NCAM2: variants seen among roughly 807,000 people sequenced by gnomAD.
NCAM2 encodes the protein N-CAM-2.
A neutral mutation model predicts 98.1 loss-of-function variants in NCAM2; 30 were observed. The observed-to-expected ratio is 0.31, with a 90% confidence interval of 0.23 to 0.41. The LOEUF (loss-of-function observed/expected upper bound fraction) is 0.41. Ranked by LOEUF, NCAM2 falls within the 10% of genes least tolerant of loss-of-function variation. The pLI, the probability that NCAM2 is intolerant of heterozygous loss-of-function variation, is 1.00. For synonymous variants in NCAM2, 368 were observed against 342.4 expected (o/e 1.07, Z -0.83); for missense variants, 867 against 1,005.8 (o/e 0.86, Z 1.87).
intron 1 of NCAM2, among the ~76,000 whole-genome samples, chr21:21,055,840 A>C (rs1230640385): frequency 6.6e-6 from 1 of 152,114 alleles, no homozygotes. Flanking sequence ...GTGTGAAGTG[A>C]AAGAGGAAAC....
At chr21:21,362,116 C>CT (rs571714563) in intron 8 of NCAM2, among the ~76,000 whole-genome samples, 166 of 146,722 alleles carry the variant, frequency 1.1e-3, no homozygotes, top group South Asian at 5.9e-3. Context: ...ATTTCAGTAA[C>CT]TTTTTTTTTT....
chr21:21,272,453 C>T (rs2072535583), intron 1 of NCAM2, among the ~76,000 whole-genome samples: 1 of 151,970 alleles, frequency 6.6e-6, no homozygotes, highest in East Asian at 1.9e-4. Context: ...AATTTAAAAA[C>T]TACACACATA....
chr21:21,386,333 A>G (rs1172528342), intron 9 of NCAM2, among the ~76,000 whole-genome samples: 1 of 152,178 alleles, frequency 6.6e-6, no homozygotes, highest in East Asian at 1.9e-4. Context: ...CACATTTTAT[A>G]TCTGTGATTA....
At chr21:21,185,918 C>A (rs2146938136) in intron 1 of NCAM2, among the ~76,000 whole-genome samples, 1 of 152,192 alleles carries the variant, frequency 6.6e-6, no homozygotes, top group Admixed American at 6.5e-5. Flanking sequence ...GCAGCCCGAA[C>A]TAACATTTTA....
rs527968114 is a variant in NCAM2 at position 21,006,492 on chromosome 21, G to A, written c.55+7874G>A. Among the ~76,000 whole-genome samples, 17 of 152,262 alleles carry A rather than the reference G, an allele frequency of 1.1e-4. No homozygotes were observed. The South Asian group carries it at 3.1e-3, about 28-fold the overall frequency. On this transcript the variant is annotated intron_variant, in intron 1 of 17. Transcript: ENST00000400546. ...TCACTGCACTCCAGCCTGGGTGACA[G>A]AGTGAGACCCCATCTCAAAAAAGAA...
At chr21:21,220,397 C>T (rs896564439) in intron 1 of NCAM2, among the ~76,000 whole-genome samples, 4 of 151,934 alleles carry the variant, frequency 2.6e-5, no homozygotes, top group African/African-American at 4.8e-5. Context: ...TGTAGTATTC[C>T]GTACAATAAT....
intron 8 of NCAM2, among the ~76,000 whole-genome samples, chr21:21,343,134 A>T (rs2075091066): frequency 6.6e-6 from 1 of 152,170 alleles, no homozygotes; most frequent in Admixed American, 6.5e-5. Context: ...AAACTAATTA[A>T]AATATAGTGT....
At chr21:21,519,915 C>T (rs1307116491) in intron 16 of NCAM2, among the ~76,000 whole-genome samples, 1 of 151,664 alleles carries the variant, frequency 6.6e-6, no homozygotes, top group Non-Finnish European at 1.5e-5. Context: ...TTAATTACAC[C>T]TAAAGCATTT....
At chr21:21,444,372 C>T (rs918310274) in intron 12 of NCAM2, among the ~76,000 whole-genome samples, 2 of 152,092 alleles carry the variant, frequency 1.3e-5, no homozygotes, top group African/African-American at 2.4e-5. Flanking sequence ...GGAGTCCCTC[C>T]GTTTCAATTG....
In NCAM2 at chr21:21,343,358, T is replaced by TACACACACACAC. The variant is rs71195322; in HGVS notation, c.1044+4850_1044+4861dup. Reference sequence around the variant, plus strand: ...CCAAGTTAACAACTATCTATACACATACACACACACACACACACACACACA... The same window carrying TACACACACACAC: ...CCAAGTTAACAACTATCTATACACATACACACACACACACACACACACACACACACACACACA... On this transcript the variant is annotated intron_variant, in intron 8 of 17. Transcript: ENST00000400546. Among the ~76,000 whole-genome samples, 294 of 120,870 alleles carry TACACACACACAC rather than the reference T, an allele frequency of 2.4e-3. 4 individuals carry two copies. Among genetic ancestry groups the TACACACACACAC allele is most frequent in the African/African-American group, 8.3e-3 (280 of 33,814 alleles). The allele number at this position is 120,870 out of a possible 152,430, so 79.3% of individuals were successfully genotyped here.
rs2068224491 is a variant in NCAM2, at chr21:21,174,620, G to C, written c.56-105958G>C. 3.3e-5 allele frequency among the ~76,000 whole-genome samples: 5 copies of C among 151,962 alleles called. 1 individual carries two copies. The South Asian group carries it at 1.0e-3, about 32-fold the overall frequency. On this transcript the variant is annotated intron_variant, in intron 1 of 17. Coordinates refer to ENST00000400546, the MANE Select transcript of NCAM2 (RefSeq NM_004540.5). ...TTTATTTTTAAATTGAATTATAACAGGAAATATTTGCTGAGTGCCTACTTG... is the reference window on the plus strand; with the variant it reads ...TTTATTTTTAAATTGAATTATAACACGAAATATTTGCTGAGTGCCTACTTG...
rs562609911 is a variant in NCAM2 at position 21,292,336 on chromosome 21, T to C, written c.619+95T>C. ...ATGTGAACTCAAAATACAAGTCTTATCTAATAAACCTCTTCTATACCAGGA... is the reference window on the plus strand; with the variant it reads ...ATGTGAACTCAAAATACAAGTCTTACCTAATAAACCTCTTCTATACCAGGA... On this transcript the variant is annotated intron_variant, in intron 5 of 17. Coordinates refer to ENST00000400546, the MANE Select transcript of NCAM2 (RefSeq NM_004540.5). The C allele has an allele frequency of 9.8e-5, 121 of 1,236,460 alleles. No individual in the cohort carries two copies. The Middle Eastern group carries it at 2.6e-3, about 27-fold the overall frequency. 76.6% of individuals were successfully genotyped at this position (1,236,460 alleles called of 1,614,324 possible). A position where few individuals can be genotyped will look rare whatever the true frequency, so the allele number is the denominator to read the frequency against.
At chr21:21,285,424 A>G (rs2073065377) in intron 3 of NCAM2, among the ~76,000 whole-genome samples, 1 of 151,796 alleles carries the variant, frequency 6.6e-6, no homozygotes, top group African/African-American at 2.4e-5. Flanking sequence ...TTTCCCTCCC[A>G]TTTGATTCTG....
intron 12 of NCAM2, among the ~76,000 whole-genome samples, chr21:21,459,295 G>A (rs527274675): frequency 2.0e-4 from 30 of 151,626 alleles, no homozygotes; most frequent in Non-Finnish European, 4.0e-4. Context: ...CCCATATCTG[G>A]GTATATATTC....
At chr21:21,179,487 T>C (rs773017521) in intron 1 of NCAM2, among the ~76,000 whole-genome samples, 1 of 152,174 alleles carries the variant, frequency 6.6e-6, no homozygotes, top group Non-Finnish European at 1.5e-5. Flanking sequence ...AATCAGAAAT[T>C]CCAGTCAATT....
chr21:21,243,886 G>A (rs1489760785), intron 1 of NCAM2, among the ~76,000 whole-genome samples: 1 of 152,188 alleles, frequency 6.6e-6, no homozygotes, highest in Non-Finnish European at 1.5e-5. Flanking sequence ...ATAAAAATAT[G>A]AGGAAGATAA....
chr21:21,121,008 G>A (rs1009047598), intron 1 of NCAM2, among the ~76,000 whole-genome samples: 1 of 152,070 alleles, frequency 6.6e-6, no homozygotes, highest in Non-Finnish European at 1.5e-5. Flanking sequence ...GAGCCACCGC[G>A]CCCGGCCATG....
chr21:21,085,131 A>T (rs1263086472), intron 1 of NCAM2, among the ~76,000 whole-genome samples: 1 of 152,184 alleles, frequency 6.6e-6, no homozygotes, highest in East Asian at 1.9e-4. Context: ...TAAAGCCTGT[A>T]CAAAAATCTT....
chr21:21,292,001 A>C (rs757840167), intron 4 of NCAM2, 103 bp from the exon 5 acceptor site: 71 of 1,021,574 alleles, frequency 7.0e-5, no homozygotes, highest in Non-Finnish European at 9.0e-5. Flanking sequence ...GAAAAGCTTG[A>C]TAGTGTCAGA....
Sources: allele counts gnomAD v4.1 joint callset (sites outside exome capture counted in the v4.1 genomes callset), GRCh38; gene constraint gnomAD v4.1.1; transcripts MANE v1.5; gene names NCBI Gene and HGNC (gene_info 2026-07-23, HGNC 2026-07-21).